The following RNF6 variants were observed in gnomAD, a reference collection of about 807,000 sequenced individuals.
RNF6 encodes the protein ring finger protein 6.
RNF6 carries 21 observed loss-of-function variants against 50.1 expected under a neutral mutation model. That is an observed-to-expected ratio of 0.42 (90% CI 0.30 to 0.60). The LOEUF (loss-of-function observed/expected upper bound fraction) is 0.60. Ranked by LOEUF, RNF6 falls within the 20% of genes least tolerant of loss-of-function variation. The probability of loss-of-function intolerance (pLI) is 0.20; values close to 1 mark genes in which losing one functional copy is unlikely to be tolerated. For synonymous variants in RNF6, 255 were observed against 291.8 expected, an observed-to-expected ratio of 0.87 and a Z score of 1.29; for missense variants, 698 against 838.2, an observed-to-expected ratio of 0.83 and a Z score of 2.07.
In RNF6 at chr13:26,214,511, A is replaced by C. The variant is rs764205780; in HGVS notation, c.1371T>G (p.Val457=). The change falls in exon 5 of 5, where the codon GTT becomes GTG. Residue 457 remains valine (V), a synonymous_variant. Transcript: ENST00000381588. The part of the protein sequence containing the change: ...RLERSGIRTY[V]STITVPLRRI... ...TACGAAGAGGAACTGTTATGGTACTAACATAGGTTCGAATACCTGACCGCT... is the reference window on the plus strand; with the variant it reads ...TACGAAGAGGAACTGTTATGGTACTCACATAGGTTCGAATACCTGACCGCT... The C allele has an allele frequency of 1.2e-6, 2 of 1,614,042 alleles. No individual in the cohort carries two copies. The highest frequency in any genetic ancestry group is 2.7e-5 in the African/African-American group (2 of 74,916).
chr13:26,149,582 G>A lies in RNF6; in HGVS notation n.769-17131C>T, dbSNP rs559482702. On this transcript the variant is annotated intron_variant and non_coding_transcript_variant, in intron 5 of 5. Transcript: ENST00000468480. ...AGCCTGGGCAACAGGGTGAGACTCC[G>A]TCTAAAAAAAAAAAAGAAAGAAAAA... Among the ~76,000 whole-genome samples, 21 of 150,010 alleles carry A rather than the reference G, an allele frequency of 1.4e-4. No individual in the cohort carries two copies. In the East Asian group the frequency reaches 2.6e-3, roughly 18 times the overall value.
At chr13:26,163,047 A>C (rs192513003) in intron 5 of RNF6, among the ~76,000 whole-genome samples, 1 of 151,244 alleles carries the variant, frequency 6.6e-6, no homozygotes, top group African/African-American at 2.4e-5. Context: ...GCGGTGGCTC[A>C]TGCCTGTAAT....
At chr13:26,184,826 A>G (rs533155328) in intron 5 of RNF6, among the ~76,000 whole-genome samples, 3 of 152,202 alleles carry the variant, frequency 2.0e-5, no homozygotes, top group Non-Finnish European at 4.4e-5. Context: ...CACAAAGGAT[A>G]AATCTGTGGA....
intron 5 of RNF6, among the ~76,000 whole-genome samples, chr13:26,144,386 T>TC (rs1232002992): frequency 6.6e-6 from 1 of 151,604 alleles, no homozygotes; most frequent in Non-Finnish European, 1.5e-5. Context: ...TCTTCATTTT[T>TC]TTTTTTCACT....
intron 5 of RNF6, among the ~76,000 whole-genome samples, chr13:26,168,284 T>C (rs1872539544): frequency 6.6e-6 from 1 of 152,150 alleles, no homozygotes; most frequent in African/African-American, 2.4e-5. Context: ...GTGGACTGCT[T>C]GGTAATGGCT....
chr13:26,194,312 A>T (rs1868575396), intron 5 of RNF6, among the ~76,000 whole-genome samples: 1 of 152,216 alleles, frequency 6.6e-6, no homozygotes, highest in African/African-American at 2.4e-5. Context: ...AAGAAAGATT[A>T]ACAAATACAA....
chr13:26,176,942 AAACT>A, intron 5 of RNF6, among the ~76,000 whole-genome samples: 1 of 152,164 alleles, frequency 6.6e-6, no homozygotes, highest in Non-Finnish European at 1.5e-5. Flanking sequence ...TCAAAAAAAC[AAACT>A]AACATACAAA....
intron 5 of RNF6, among the ~76,000 whole-genome samples, chr13:26,196,424 G>C (rs1260773458): frequency 6.6e-6 from 1 of 152,192 alleles, no homozygotes; most frequent in African/African-American, 2.4e-5. Context: ...GCCGAGGTGG[G>C]TGGATCATCT....
intron 5 of RNF6, among the ~76,000 whole-genome samples, chr13:26,196,400 C>CA (rs1295502947): frequency 6.6e-6 from 1 of 152,068 alleles, no homozygotes; most frequent in Non-Finnish European, 1.5e-5. Flanking sequence ...CCTGTAATCC[C>CA]AGCACTTTGG....
chr13:26,144,321 T>C (rs1871120525), intron 5 of RNF6, among the ~76,000 whole-genome samples: 1 of 152,132 alleles, frequency 6.6e-6, no homozygotes, highest in South Asian at 2.1e-4. Flanking sequence ...TCTACCTGAT[T>C]ATTAAAGTTC....
intron 5 of RNF6, among the ~76,000 whole-genome samples, chr13:26,187,743 T>A (rs963575235): frequency 3.7e-4 from 56 of 152,316 alleles, no homozygotes; most frequent in African/African-American, 1.2e-3. Flanking sequence ...GGGGGTTTTT[T>A]AAGACAGTCT....
chr13:26,174,949 G>T (rs1217015599), intron 5 of RNF6, among the ~76,000 whole-genome samples: 4 of 152,268 alleles, frequency 2.6e-5, no homozygotes, highest in South Asian at 4.1e-4. Context: ...CTCTTTAAAG[G>T]CCCTATTTCC....
chr13:26,195,503 C>T (rs1868626354), intron 5 of RNF6, among the ~76,000 whole-genome samples: 1 of 151,994 alleles, frequency 6.6e-6, no homozygotes, highest in Non-Finnish European at 1.5e-5. Context: ...GGATTATCCC[C>T]AAATTAATGT....
downstream of RNF6, among the ~76,000 whole-genome samples, chr13:26,208,947 C>CA (rs1048640747): frequency 6.6e-5 from 10 of 152,166 alleles, no homozygotes; most frequent in Non-Finnish European, 8.8e-5. Flanking sequence ...ATCCTCTTGA[C>CA]AAAATGCTAA....
At position 26,213,844 on chromosome 13, in the gene RNF6, T is replaced by C. The variant is rs1869507781; in HGVS notation, c.2038A>G (p.Asn680Asp). Residue 680 changes from asparagine to aspartate, a missense_variant, in exon 5 of 5, where the codon AAC becomes GAC. Asn to Asp is a conservative substitution (Grantham distance 23, BLOSUM62 1). Coordinates refer to ENST00000381588, the MANE Select transcript of RNF6 (RefSeq NM_005977.4). ...PICRQPVLGS[N>D]IANNG ...TCACCTTACCCATTGTTTGCTATGT[T>C]AGACCCTAAAACAGGCTGCCGACAG... The C allele has an allele frequency of 1.1e-5, 18 of 1,611,530 alleles. No individual in the cohort carries two copies. The highest frequency in any genetic ancestry group is 3.3e-5 in the South Asian group (3 of 90,716).
chr13:26,179,226 G>C (rs1810721), intron 5 of RNF6, among the ~76,000 whole-genome samples: 100,205 of 151,798 alleles, frequency 0.66, 33,451 homozygotes, highest in African/African-American at 0.74. Flanking sequence ...AGTCATACCT[G>C]TACAATTTGC....
intron 5 of RNF6, among the ~76,000 whole-genome samples, chr13:26,141,862 A>G (rs1052762974): frequency 2.0e-5 from 3 of 152,128 alleles, no homozygotes; most frequent in African/African-American, 7.2e-5. Flanking sequence ...TTGGTCAAAA[A>G]CGAAAATTGA....
intron 5 of RNF6, among the ~76,000 whole-genome samples, chr13:26,178,850 A>C (rs1197439249): frequency 1.3e-5 from 2 of 151,970 alleles, no homozygotes; most frequent in Non-Finnish European, 2.9e-5. Context: ...AGTTTTGACT[A>C]TTTTAGATCC....
chr13:26,177,960 C>A (rs182468), intron 5 of RNF6, among the ~76,000 whole-genome samples: 40,533 of 152,012 alleles, frequency 0.27, 6,116 homozygotes, highest in African/African-American at 0.41. Flanking sequence ...CCAAGGTGGG[C>A]AAACCACCTG....
Sources: allele counts gnomAD v4.1 joint callset (sites outside exome capture counted in the v4.1 genomes callset), GRCh38; gene constraint gnomAD v4.1.1; transcripts MANE v1.5; gene names NCBI Gene and HGNC (gene_info 2026-07-23, HGNC 2026-07-21).